The following GRIP1 variants were observed in gnomAD, a reference collection of about 807,000 sequenced individuals.
GRIP1 encodes glutamate receptor interacting protein 1.
A neutral mutation model predicts 129.9 loss-of-function variants in GRIP1; 45 were observed. The ratio of observed to expected loss-of-function variants is 0.35; its 90% CI spans 0.27 to 0.44. The LOEUF is 0.44. Among genes scored for constraint, GRIP1 ranks in the 20% least tolerant of loss-of-function variants. The pLI is 1.00. For missense variants in GRIP1, 1,196 were observed against 1,396.8 expected (o/e 0.86, Z 2.29); for synonymous variants, 530 against 520.8 (o/e 1.02, Z -0.24).
chr12:66,892,095 CA>C (rs2137234998), intron 1 of GRIP1: 1 of 152,918 alleles, frequency 6.5e-6, no homozygotes, highest in East Asian at 1.9e-4. Context: ...TGAGGAGACA[CA>C]AGGGCAGAAG....
At chr12:66,583,346 G>C (rs2063481039) in intron 2 of GRIP1, among the ~76,000 whole-genome samples, 1 of 149,600 alleles carries the variant, frequency 6.7e-6, no homozygotes, top group Admixed American at 6.7e-5. Flanking sequence ...CATAGGCATG[G>C]GCAAGGACTT....
intron 1 of GRIP1, among the ~76,000 whole-genome samples, chr12:66,737,645 CTCAG>C (rs567548403): frequency 1.0e-3 from 156 of 152,304 alleles, no homozygotes; most frequent in Non-Finnish European, 1.9e-3. Context: ...CTTCCTCGAA[CTCAG>C]TATCTCTTTG....
chr12:66,557,358 T>G (rs922476445), intron 2 of GRIP1, among the ~76,000 whole-genome samples: 2 of 152,042 alleles, frequency 1.3e-5, no homozygotes, highest in African/African-American at 4.8e-5. Flanking sequence ...AAGAGAGAGA[T>G]AGAACTCAAT....
At chr12:66,640,367 T>C (rs1253355307) in intron 1 of GRIP1, among the ~76,000 whole-genome samples, 1 of 152,170 alleles carries the variant, frequency 6.6e-6, no homozygotes, top group Non-Finnish European at 1.5e-5. Context: ...CAGACAAGCA[T>C]AGACTGAAAA....
chr12:66,964,537 C>T (rs1053076930), intron 1 of GRIP1, among the ~76,000 whole-genome samples: 3 of 152,216 alleles, frequency 2.0e-5, no homozygotes, highest in Non-Finnish European at 4.4e-5. Flanking sequence ...CATTCTCCTC[C>T]TTCTACTTAA....
At chr12:66,581,085 T>G (rs953705695) in intron 2 of GRIP1, among the ~76,000 whole-genome samples, 2 of 152,080 alleles carry the variant, frequency 1.3e-5, no homozygotes, top group African/African-American at 4.8e-5. Context: ...AAACTAGAAC[T>G]CAGGATTAAG....
intron 7 of GRIP1, among the ~76,000 whole-genome samples, chr12:66,476,080 T>G (rs535873448): frequency 3.4e-4 from 51 of 152,134 alleles, no homozygotes; most frequent in Non-Finnish European, 5.1e-4. Context: ...GAATCCAGGA[T>G]CTGGTTTTTT....
chr12:66,731,006 T>C (rs1410717511), intron 1 of GRIP1, among the ~76,000 whole-genome samples: 5 of 152,156 alleles, frequency 3.3e-5, no homozygotes, highest in Non-Finnish European at 1.5e-5. Flanking sequence ...TTTATCATTG[T>C]TGGTTAAATA....
chr12:66,431,963 A>G (rs1258735784), intron 14 of GRIP1, among the ~76,000 whole-genome samples: 2 of 152,228 alleles, frequency 1.3e-5, no homozygotes, highest in Non-Finnish European at 2.9e-5. Context: ...TACTTAAAGT[A>G]AGAGACATTG....
At chr12:66,377,756 C>T (rs1311911845) in intron 20 of GRIP1, among the ~76,000 whole-genome samples, 1 of 150,400 alleles carries the variant, frequency 6.6e-6, no homozygotes, top group Non-Finnish European at 1.5e-5. Context: ...GTATGAGCTT[C>T]AGCAGAGGGA....
At chr12:67,041,999 G>C (rs950105946) in intron 1 of GRIP1, among the ~76,000 whole-genome samples, 1 of 152,120 alleles carries the variant, frequency 6.6e-6, no homozygotes, top group African/African-American at 2.4e-5. Context: ...ATCTTTAAGG[G>C]GAGATTAGGC....
chr12:67,023,873 T>C (rs896118029), intron 1 of GRIP1, among the ~76,000 whole-genome samples: 2 of 152,084 alleles, frequency 1.3e-5, no homozygotes, highest in African/African-American at 4.8e-5. Flanking sequence ...CCAAAGCTAG[T>C]TCCCTCTTTT....
chr12:66,907,283 A>G (rs142056197), intron 1 of GRIP1, among the ~76,000 whole-genome samples: 162 of 152,304 alleles, frequency 1.1e-3, no homozygotes, highest in African/African-American at 3.6e-3. Context: ...ATAAAGTAAG[A>G]TTTTGCCAAT....
intron 1 of GRIP1, among the ~76,000 whole-genome samples, chr12:66,667,704 T>G (rs1473012530): frequency 6.6e-6 from 1 of 152,156 alleles, no homozygotes; most frequent in Non-Finnish European, 1.5e-5. Context: ...GAGGGCTTTC[T>G]TGGGGGGTCA....
chr12:66,702,706 A>G (rs2035392256), intron 1 of GRIP1, among the ~76,000 whole-genome samples: 1 of 152,156 alleles, frequency 6.6e-6, no homozygotes. Flanking sequence ...CAACACCTAA[A>G]CACAGAGTGG....
At chr12:66,593,588 A>T (rs1307351347) in intron 2 of GRIP1, among the ~76,000 whole-genome samples, 2 of 152,214 alleles carry the variant, frequency 1.3e-5, no homozygotes, top group Non-Finnish European at 2.9e-5. Context: ...AGAACAGCTT[A>T]AAATATCATA....
At chr12:66,758,493 A>G (rs1453063560) in intron 1 of GRIP1, among the ~76,000 whole-genome samples, 1 of 151,782 alleles carries the variant, frequency 6.6e-6, no homozygotes, top group Non-Finnish European at 1.5e-5. Flanking sequence ...GCCCCTCCAA[A>G]TCTCATGTCC....
chr12:66,907,422 G>A (rs2040952179), intron 1 of GRIP1, among the ~76,000 whole-genome samples: 1 of 152,108 alleles, frequency 6.6e-6, no homozygotes, highest in Non-Finnish European at 1.5e-5. Flanking sequence ...TATTAAACAA[G>A]CCACAACAGG....
chr12:66,948,927 A>T (rs2036823000), intron 1 of GRIP1, among the ~76,000 whole-genome samples: 1 of 152,218 alleles, frequency 6.6e-6, no homozygotes, highest in African/African-American at 2.4e-5. Context: ...TCTCATTTTA[A>T]ACCAATGTTA....
Sources: gnomAD v4.1 joint callset for allele counts (sites outside exome capture counted in the v4.1 genomes callset) on GRCh38, gnomAD v4.1.1 for gene constraint, MANE v1.5 for transcripts, NCBI Gene and HGNC (gene_info 2026-07-23, HGNC 2026-07-21) for gene names.